The following RSRC1 variants were observed in gnomAD, a reference collection of about 807,000 sequenced individuals.
RSRC1 encodes arginine and serine rich coiled-coil 1.
A neutral mutation model predicts 49.1 loss-of-function variants in RSRC1; 39 were observed. That is an observed-to-expected ratio of 0.79 (90% CI 0.61 to 1.04). The LOEUF (loss-of-function observed/expected upper bound fraction) is 1.04, where lower values mean the gene tolerates loss of function less well. RSRC1 is among the 50% of genes least tolerant of loss of function. The pLI, the probability that RSRC1 is intolerant of heterozygous loss-of-function variation, is 0.00. For synonymous variants in RSRC1, 143 were observed against 130.8 expected (o/e 1.09, Z -0.63); for missense variants, 388 against 402.4 (o/e 0.96, Z 0.31).
At chr3:158,197,504 G>A (rs1476412686) in intron 3 of RSRC1, among the ~76,000 whole-genome samples, 2 of 152,074 alleles carry the variant, frequency 1.3e-5, no homozygotes, top group African/African-American at 4.8e-5. Context: ...ATCTCCTTCA[G>A]TTCTGCTCTG....
chr3:158,480,575 C>T (rs547709338), intron 7 of RSRC1, among the ~76,000 whole-genome samples: 3 of 152,086 alleles, frequency 2.0e-5, no homozygotes, highest in African/African-American at 7.2e-5. Context: ...TCATGGCCCG[C>T]ATATCAGTAA....
intron 4 of RSRC1, among the ~76,000 whole-genome samples, chr3:158,213,180 G>A (rs1458975713): frequency 2.0e-5 from 3 of 151,824 alleles, no homozygotes; most frequent in East Asian, 3.9e-4. Flanking sequence ...TAAAGTGCCT[G>A]GTTTAAATAT....
In RSRC1 at chr3:158,147,102, C is replaced by CTTTTTTT. The variant is rs35460810; in HGVS notation, c.320+23132_320+23138dup. On this transcript the variant is annotated intron_variant, in intron 3 of 9. Transcript: ENST00000611884. Reference sequence around the variant, plus strand: ...CCTTTTCTTTCTTCTGCTTTTCTGCCTTTTTTTTTTTTTTTTTTTTTTTTT... The same window carrying CTTTTTTT: ...CCTTTTCTTTCTTCTGCTTTTCTGCCTTTTTTTTTTTTTTTTTTTTTTTTTTTTTTTT... Among the ~76,000 whole-genome samples the CTTTTTTT allele has an allele frequency of 3.6e-3, 126 of 34,720 alleles. 8 individuals are homozygous for CTTTTTTT. Among genetic ancestry groups the CTTTTTTT allele is most frequent in the African/African-American group, 0.015 (100 of 6,602 alleles). 22.8% of individuals were successfully genotyped at this position (34,720 alleles called of 152,430 possible).
At chr3:158,365,863 C>T (rs1731734555) in intron 6 of RSRC1, among the ~76,000 whole-genome samples, 1 of 152,168 alleles carries the variant, frequency 6.6e-6, no homozygotes, top group Non-Finnish European at 1.5e-5. Flanking sequence ...GATGATATCT[C>T]ATTGTGGTTT....
intron 4 of RSRC1, among the ~76,000 whole-genome samples, chr3:158,261,878 A>G (rs551749254): frequency 6.6e-6 from 1 of 152,322 alleles, no homozygotes; most frequent in South Asian, 2.1e-4. Flanking sequence ...TTATTTCATT[A>G]TATATGACAA....
At chr3:158,536,186 C>T (rs942676522) in intron 7 of RSRC1, among the ~76,000 whole-genome samples, 8 of 151,464 alleles carry the variant, frequency 5.3e-5, no homozygotes, top group Non-Finnish European at 1.2e-4. Flanking sequence ...ACATACTCTT[C>T]ACCAAAAGAA....
intron 7 of RSRC1, among the ~76,000 whole-genome samples, chr3:158,494,625 A>G (rs566625560): frequency 6.6e-6 from 1 of 152,350 alleles, no homozygotes; most frequent in African/African-American, 2.4e-5. Context: ...TAAAACACAA[A>G]TATTATACAC....
At chr3:158,119,895 A>C (rs1176473173) in intron 1 of RSRC1, among the ~76,000 whole-genome samples, 1 of 140,644 alleles carries the variant, frequency 7.1e-6, no homozygotes, top group East Asian at 2.1e-4. Context: ...CAATGGCACT[A>C]TCTCGGCTCA....
intron 6 of RSRC1, among the ~76,000 whole-genome samples, chr3:158,418,109 A>G (rs1396121328): frequency 4.6e-5 from 7 of 151,986 alleles, no homozygotes; most frequent in Non-Finnish European, 1.0e-4. Flanking sequence ...TTTTGTGGTT[A>G]TTACTATCTT....
intron 3 of RSRC1, among the ~76,000 whole-genome samples, chr3:158,158,894 G>A (rs1306137805): frequency 2.0e-5 from 3 of 148,852 alleles, no homozygotes; most frequent in Admixed American, 6.7e-5. Context: ...AGCCGTGATC[G>A]TACCACTGCA....
At chr3:158,176,225 C>A (rs1014769858) in intron 3 of RSRC1, among the ~76,000 whole-genome samples, 9 of 152,094 alleles carry the variant, frequency 5.9e-5, no homozygotes, top group Non-Finnish European at 1.2e-4. Context: ...GGCCATACTG[C>A]CCAAGGTAAT....
chr3:158,131,361 C>T (rs1242791507), intron 3 of RSRC1, among the ~76,000 whole-genome samples: 1 of 151,662 alleles, frequency 6.6e-6, no homozygotes, highest in African/African-American at 2.4e-5. Context: ...AATACATTTT[C>T]GTCTTTTTTT....
In RSRC1 at chr3:158,545,510, G is replaced by A. The variant is rs1348141149; in HGVS notation, c.*1235G>A. Reference sequence around the variant, plus strand: ...TAAGCAAAAAAAGTCTTCAGGGTAGGACTGCCAACATATAGGACATTTTAA... The same window carrying A: ...TAAGCAAAAAAAGTCTTCAGGGTAGAACTGCCAACATATAGGACATTTTAA... On this transcript the variant is annotated 3_prime_UTR_variant, in exon 10 of 10. Coordinates refer to ENST00000611884, the MANE Select transcript of RSRC1 (RefSeq NM_001271838.2). The A allele has an allele frequency of 2.0e-5, 3 of 152,064 alleles. No individual in the cohort carries two copies. The highest frequency in any genetic ancestry group is 7.2e-5 in the African/African-American group (3 of 41,402). 9.4% of individuals were successfully genotyped at this position (152,064 alleles called of 1,614,324 possible).
intron 3 of RSRC1, among the ~76,000 whole-genome samples, chr3:158,143,740 A>C (rs939593678): frequency 6.6e-6 from 1 of 152,220 alleles, no homozygotes; most frequent in Non-Finnish European, 1.5e-5. Flanking sequence ...ATAAAGCAGG[A>C]AGGAAGCTGG....
intron 4 of RSRC1, among the ~76,000 whole-genome samples, chr3:158,228,328 T>G (rs766500726): frequency 2.0e-5 from 3 of 151,968 alleles, no homozygotes; most frequent in Non-Finnish European, 4.4e-5. Context: ...CAGGCCCTCT[T>G]TTTCTTGCAT....
rs184196585 is a variant in RSRC1 at position 158,195,891 on chromosome 3, G to A, written c.321-7181G>A. 8.3e-3 allele frequency among the ~76,000 whole-genome samples: 1,258 copies of A among 152,020 alleles called. 18 individuals carry two copies. The highest frequency in any genetic ancestry group is 0.03 in the African/African-American group (1,224 of 41,448). ...TTGGTAGCAGTACCATGCTGTTCTG[G>A]TTACTGTAGCCTTGTAGTATAGTTT... On this transcript the variant is annotated intron_variant, in intron 3 of 9. Transcript: ENST00000611884.
intron 3 of RSRC1, among the ~76,000 whole-genome samples, chr3:158,175,510 C>A (rs1051385734): frequency 2.0e-5 from 3 of 151,860 alleles, no homozygotes; most frequent in African/African-American, 7.3e-5. Context: ...ATCCAGTTGA[C>A]CCATTACTAC....
intron 6 of RSRC1, among the ~76,000 whole-genome samples, chr3:158,363,411 G>T (rs560291015): frequency 6.6e-6 from 1 of 151,946 alleles, no homozygotes; most frequent in South Asian, 2.1e-4. Flanking sequence ...TCACAGGTGC[G>T]CACCACCACA....
At chr3:158,201,827 G>A (rs746219018) in intron 3 of RSRC1, among the ~76,000 whole-genome samples, 3 of 151,948 alleles carry the variant, frequency 2.0e-5, no homozygotes, top group African/African-American at 4.8e-5. Flanking sequence ...CTCTTCATAT[G>A]CTGTCTTTTC....
Sources: allele counts gnomAD v4.1 joint callset (sites outside exome capture counted in the v4.1 genomes callset), GRCh38; gene constraint gnomAD v4.1.1; transcripts MANE v1.5; gene names NCBI Gene and HGNC (gene_info 2026-07-23, HGNC 2026-07-21).